The following CCDC171 variants were observed in gnomAD, a reference collection of about 807,000 sequenced individuals.
CCDC171 encodes the protein coiled-coil domain containing 171.
A neutral mutation model predicts 168.2 loss-of-function variants in CCDC171; 177 were observed. The observed-to-expected ratio is 1.05, with a 90% CI of 0.93 to 1.19. The LOEUF (loss-of-function observed/expected upper bound fraction) is 1.19. Among genes scored for constraint, CCDC171 ranks in the 50% most tolerant of loss-of-function variants. The probability of loss-of-function intolerance (pLI) is 0.00; values close to 1 mark genes in which losing one functional copy is unlikely to be tolerated. For missense variants in CCDC171, 1,991 were observed against 1,539.0 expected, an observed-to-expected ratio of 1.29 and a Z score of -4.91; for synonymous variants, 687 against 540.8, an observed-to-expected ratio of 1.27 and a Z score of -3.75.
chr9:15,695,421 T>G, intron 11 of CCDC171, 84 bp downstream of exon 11: 1 of 890,756 alleles, frequency 1.1e-6, no homozygotes. Context: ...ATGCCTCTTG[T>G]AGTCCCTCAT....
At chr9:15,635,832 G>T (rs76967669) in intron 7 of CCDC171, among the ~76,000 whole-genome samples, 3 of 152,212 alleles carry the variant, frequency 2.0e-5, no homozygotes, top group Non-Finnish European at 4.4e-5. Context: ...GGGTCACATG[G>T]TAACTATATG....
chr9:16,037,866 T>C (rs1052124545), upstream of CCDC171, among the ~76,000 whole-genome samples: 11 of 151,752 alleles, frequency 7.2e-5, no homozygotes, highest in African/African-American at 2.4e-4. Flanking sequence ...AAATAGAAAA[T>C]GAAGGAGAAG....
At chr9:16,092,313 A>G in the CCDC171 span, among the ~76,000 whole-genome samples, 1 of 152,122 alleles carries the variant, frequency 6.6e-6, no homozygotes, top group Non-Finnish European at 1.5e-5. Flanking sequence ...ATCACTTGGG[A>G]AGCTTGTTCG....
At chr9:15,954,073 C>G (rs1375601383) in intron 25 of CCDC171, among the ~76,000 whole-genome samples, 6 of 151,018 alleles carry the variant, frequency 4.0e-5, no homozygotes, top group Admixed American at 3.9e-4. Flanking sequence ...TCTTGCCTAT[C>G]TAGCTAAAAG....
chr9:15,731,988 T>A (rs2054180279), intron 16 of CCDC171, among the ~76,000 whole-genome samples: 1 of 152,074 alleles, frequency 6.6e-6, no homozygotes, highest in South Asian at 2.1e-4. Context: ...TATTCACATA[T>A]CTTCATTTGT....
At chr9:16,095,505 C>G in the CCDC171 span, among the ~76,000 whole-genome samples, 14 of 146,880 alleles carry the variant, frequency 9.5e-5, no homozygotes, top group African/African-American at 3.0e-4. Flanking sequence ...CTCTTTCCGT[C>G]TCTGTCTCTC....
At chr9:15,821,132 A>G (rs933639859) in intron 21 of CCDC171, among the ~76,000 whole-genome samples, 1 of 117,806 alleles carries the variant, frequency 8.5e-6, no homozygotes, top group Non-Finnish European at 1.9e-5. Flanking sequence ...GACAAAATTC[A>G]ACAACGCTTC....
intron 6 of CCDC171, 29 bp from the exon 7 acceptor site, chr9:15,623,238 T>C (rs1163804040): frequency 1.3e-6 from 2 of 1,530,280 alleles, no homozygotes; most frequent in South Asian, 1.3e-5. Flanking sequence ...TTATAAACTT[T>C]ATTGATGCAA....
At chr9:16,025,541 T>C (rs1833260479) in intron 6 of CCDC171, among the ~76,000 whole-genome samples, 1 of 151,958 alleles carries the variant, frequency 6.6e-6, no homozygotes, top group Admixed American at 6.6e-5. Context: ...AAAAAGCAAC[T>C]CAAGTGTCCA....
intron 6 of CCDC171, among the ~76,000 whole-genome samples, chr9:15,610,271 C>G (rs1587390828): frequency 1.3e-5 from 2 of 150,012 alleles, no homozygotes; most frequent in African/African-American, 2.5e-5. Context: ...GCTGCAAAGG[C>G]TGGAAATGCA....
intron 16 of CCDC171, among the ~76,000 whole-genome samples, chr9:15,742,418 C>T (rs2054942306): frequency 1.3e-5 from 2 of 152,210 alleles, no homozygotes. Flanking sequence ...GCATACGATG[C>T]TGTTTTCTGC....
intron 23 of CCDC171, among the ~76,000 whole-genome samples, chr9:15,866,463 GC>G (rs1445942901): frequency 6.6e-6 from 1 of 152,006 alleles, no homozygotes; most frequent in Non-Finnish European, 1.5e-5. Flanking sequence ...TGAGAAAGAG[GC>G]AGGGGAGGAT....
At chr9:15,971,307 A>G (rs979168076) in intron 25 of CCDC171, among the ~76,000 whole-genome samples, 1 of 152,176 alleles carries the variant, frequency 6.6e-6, no homozygotes, top group Non-Finnish European at 1.5e-5. Flanking sequence ...AGTCAAGGTA[A>G]AAATCCCTGA....
At chr9:15,924,188 A>C (rs1057322795) in intron 25 of CCDC171, among the ~76,000 whole-genome samples, 1 of 151,538 alleles carries the variant, frequency 6.6e-6, no homozygotes, top group Non-Finnish European at 1.5e-5. Context: ...ATGTGGCCAC[A>C]CATAGCTGAA....
At chr9:15,900,450 G>T in intron 24 of CCDC171, among the ~76,000 whole-genome samples, 1 of 152,144 alleles carries the variant, frequency 6.6e-6, no homozygotes, top group Admixed American at 6.5e-5. Context: ...CTTGCAAGAG[G>T]ACTCTGCTTC....
intron 1 of CCDC171, among the ~76,000 whole-genome samples, chr9:16,055,104 G>C (rs1016813506): frequency 6.6e-6 from 1 of 152,214 alleles, no homozygotes; most frequent in Non-Finnish European, 1.5e-5. Context: ...TAGAGAAAGA[G>C]AAGGACAAAG....
intron 4 of CCDC171, chr9:15,587,508 CTCTT>C (rs1485793753): frequency 2.7e-6 from 1 of 376,358 alleles, no homozygotes; most frequent in Non-Finnish European, 5.4e-6. Flanking sequence ...TCCAATAAAC[CTCTT>C]TCTTTTGTAA....
intron 24 of CCDC171, among the ~76,000 whole-genome samples, chr9:15,914,126 G>T (rs751960502): frequency 6.6e-6 from 1 of 152,200 alleles, no homozygotes; most frequent in Non-Finnish European, 1.5e-5. Context: ...GGGGGTCAGG[G>T]ACCCCCTTGA....
chr9:15,631,291 G>C (rs2045670253), intron 7 of CCDC171, among the ~76,000 whole-genome samples: 1 of 151,718 alleles, frequency 6.6e-6, no homozygotes, highest in South Asian at 2.1e-4. Context: ...TAATAAAGAA[G>C]AAAAGAGAGA....
Sources: allele counts gnomAD v4.1 joint callset (sites outside exome capture counted in the v4.1 genomes callset), GRCh38; gene constraint gnomAD v4.1.1; transcripts MANE v1.5; gene names NCBI Gene and HGNC (gene_info 2026-07-23, HGNC 2026-07-21).